HS3ST4: variants seen among roughly 807,000 people sequenced by gnomAD.
The protein encoded by HS3ST4 is heparan sulfate-glucosamine 3-sulfotransferase 4.
HS3ST4 carries 17 observed loss-of-function variants against 29.2 expected under a neutral mutation model. The ratio of observed to expected loss-of-function variants is 0.58; its 90% confidence interval spans 0.40 to 0.87. The LOEUF (loss-of-function observed/expected upper bound fraction) is 0.87, where lower values mean the gene tolerates loss of function less well. Among genes scored for constraint, HS3ST4 ranks in the 40% least tolerant of loss-of-function variants. The pLI, the probability that HS3ST4 is intolerant of heterozygous loss-of-function variation, is 0.00. For synonymous variants in HS3ST4, 314 were observed against 285.7 expected (o/e 1.10, Z -1.00); for missense variants, 627 against 634.5 (o/e 0.99, Z 0.13).
Position 25,692,995 on chromosome 16 carries a change from G to A in HS3ST4, c.578G>A (p.Gly193Glu). Residue 193 changes from glycine (G) to glutamate (E), a missense_variant, in exon 1 of 2, where the codon GGG becomes GAG. Physicochemically the swap from Gly to Glu is moderately conservative, Grantham distance 98 (BLOSUM62 -2). Around this residue, in one of 2 missense-constraint regions of HS3ST4, gnomAD observed 402 missense variants for 340.8 expected, o/e 1.18. Transcript: ENST00000331351. ...GGCGCCGTCAGCACCCCCGACTATG[G>A]GGAGAAGAAGCTGCCACAGGCGCTC... Reference protein sequence around the residue: ...RGGAVSTPDYGEKKLPQALII... With the variant: ...RGGAVSTPDYEEKKLPQALII... 3 of 1,611,578 alleles carry A rather than the reference G, an allele frequency of 1.9e-6. No homozygotes were observed. Among genetic ancestry groups the A allele is most frequent in the Non-Finnish European group, 2.5e-6 (3 of 1,179,364 alleles).
chr16:25,746,218 C>A (rs1034565803), intron 1 of HS3ST4, among the ~76,000 whole-genome samples: 11 of 152,150 alleles, frequency 7.2e-5, no homozygotes, highest in Admixed American at 5.2e-4. Flanking sequence ...ACTTGGAAAA[C>A]ATTTTCAAGT....
At chr16:25,713,229 T>C (rs1966429167) in intron 1 of HS3ST4, among the ~76,000 whole-genome samples, 1 of 152,092 alleles carries the variant, frequency 6.6e-6, no homozygotes. Context: ...ATCACCTCTT[T>C]AAAGATCCTG....
intron 1 of HS3ST4, among the ~76,000 whole-genome samples, chr16:26,119,360 C>T (rs573698528): frequency 1.4e-4 from 21 of 152,236 alleles, no homozygotes; most frequent in South Asian, 4.2e-4. Flanking sequence ...AATGATGGAG[C>T]GATGGGAAGA....
chr16:25,890,208 A>T (rs1469580113), intron 1 of HS3ST4, among the ~76,000 whole-genome samples: 5 of 152,198 alleles, frequency 3.3e-5, no homozygotes, highest in African/African-American at 1.2e-4. Context: ...ATTTGCCCCA[A>T]GTCACACAAA....
intron 1 of HS3ST4, among the ~76,000 whole-genome samples, chr16:25,878,905 T>C (rs1289139861): frequency 6.6e-6 from 1 of 152,194 alleles, no homozygotes; most frequent in Non-Finnish European, 1.5e-5. Context: ...CAGTATCTTA[T>C]GGTTCCTGGT....
chr16:25,810,307 T>A (rs1219029068), intron 1 of HS3ST4, among the ~76,000 whole-genome samples: 1 of 152,198 alleles, frequency 6.6e-6, no homozygotes, highest in Non-Finnish European at 1.5e-5. Flanking sequence ...TTTGGTTCCA[T>A]TGTGGTGGAG....
chr16:25,942,620 T>C (rs1253933223), intron 1 of HS3ST4, among the ~76,000 whole-genome samples: 1 of 151,720 alleles, frequency 6.6e-6, no homozygotes, highest in Non-Finnish European at 1.5e-5. Context: ...TTTTTTTTTT[T>C]CTTTCCTTTT....
At chr16:25,875,017 C>A (rs1967815029) in intron 1 of HS3ST4, among the ~76,000 whole-genome samples, 1 of 152,098 alleles carries the variant, frequency 6.6e-6, no homozygotes, top group South Asian at 2.1e-4. Flanking sequence ...TATTGCCTTG[C>A]CCGTTGTAGT....
chr16:25,983,120 TGGAATGAAGGGAGAGTGATGGGGTAG>T (rs1969025413), intron 1 of HS3ST4, among the ~76,000 whole-genome samples: 1 of 151,964 alleles, frequency 6.6e-6, no homozygotes, highest in Non-Finnish European at 1.5e-5. Flanking sequence ...GGAGAATGAG[TGGAATGAAGGGAGAGTGATGGGGTAG>T]GGAATGAGGT....
chr16:25,996,098 C>G (rs1025260914), intron 1 of HS3ST4, among the ~76,000 whole-genome samples: 6 of 151,532 alleles, frequency 4.0e-5, no homozygotes, highest in Admixed American at 4.0e-4. Context: ...TGGCTTAGAA[C>G]TAGCAAAGAA....
intron 1 of HS3ST4, among the ~76,000 whole-genome samples, chr16:25,745,928 A>G (rs891663008): frequency 1.3e-5 from 2 of 152,190 alleles, no homozygotes; most frequent in Non-Finnish European, 2.9e-5. Flanking sequence ...ACGTTTGGCA[A>G]ATATTGAAAC....
intron 1 of HS3ST4, among the ~76,000 whole-genome samples, chr16:25,778,784 T>C (rs1203171766): frequency 6.6e-6 from 1 of 151,198 alleles, no homozygotes; most frequent in Non-Finnish European, 1.5e-5. Context: ...GAGAAGGAGA[T>C]GAAGACGAAG....
At chr16:25,695,084 G>A (rs1966284942) in intron 1 of HS3ST4, among the ~76,000 whole-genome samples, 1 of 152,184 alleles carries the variant, frequency 6.6e-6, no homozygotes, top group Non-Finnish European at 1.5e-5. Flanking sequence ...GTTTGACGTG[G>A]CTCCTGATTA....
chr16:26,075,557 G>A (rs1397185612), intron 1 of HS3ST4, among the ~76,000 whole-genome samples: 1 of 152,192 alleles, frequency 6.6e-6, no homozygotes, highest in Admixed American at 6.5e-5. Context: ...CCTCATTGCA[G>A]GATGTGGTCT....
At chr16:25,795,345 C>T in intron 1 of HS3ST4, among the ~76,000 whole-genome samples, 1 of 152,110 alleles carries the variant, frequency 6.6e-6, no homozygotes, top group East Asian at 1.9e-4. Flanking sequence ...TCTACCCATG[C>T]ATCTTCCAGC....
intron 1 of HS3ST4, among the ~76,000 whole-genome samples, chr16:26,065,096 C>T (rs1019724844): frequency 9.2e-5 from 14 of 152,144 alleles, no homozygotes; most frequent in African/African-American, 3.4e-4. Flanking sequence ...ACAGAAAAAC[C>T]ATTTGACCCA....
intron 1 of HS3ST4, among the ~76,000 whole-genome samples, chr16:25,756,535 A>G (rs754627961): frequency 8.5e-5 from 13 of 152,192 alleles, no homozygotes; most frequent in Non-Finnish European, 1.5e-4. Context: ...TCACATGACA[A>G]CCATTTGAGT....
chr16:26,009,384 G>C (rs949356679), intron 1 of HS3ST4, among the ~76,000 whole-genome samples: 5 of 152,174 alleles, frequency 3.3e-5, no homozygotes. Flanking sequence ...CTAGCCCCTA[G>C]CATTGCTCCT....
intron 1 of HS3ST4, among the ~76,000 whole-genome samples, chr16:25,929,974 G>C (rs1045332089): frequency 4.0e-5 from 6 of 151,882 alleles, no homozygotes; most frequent in Non-Finnish European, 8.8e-5. Flanking sequence ...CCTTAAGTAG[G>C]CCCCATTGTC....
Sources: allele counts gnomAD v4.1 joint callset (sites outside exome capture counted in the v4.1 genomes callset), GRCh38; gene constraint gnomAD v4.1.1; regional missense constraint gnomAD v4.1.1; transcripts MANE v1.5; gene names NCBI Gene and HGNC (gene_info 2026-07-23, HGNC 2026-07-21).